LZTS1: variants seen among roughly 807,000 people sequenced by gnomAD.
LZTS1 encodes the protein leucine zipper tumor suppressor 1.
A neutral mutation model predicts 45.8 loss-of-function variants in LZTS1; 31 were observed. That is an observed-to-expected ratio of 0.68 (90% CI 0.51 to 0.91). The LOEUF (loss-of-function observed/expected upper bound fraction) is 0.91. LZTS1 is among the 40% of genes least tolerant of loss of function. LZTS1 has a pLI of 0.00. For missense variants in LZTS1, 821 were observed against 788.9 expected (o/e 1.04, Z -0.49); for synonymous variants, 359 against 357.3 (o/e 1.00, Z -0.05).
At chr8:20,285,334 T>G (rs1304367462) in intron 1 of LZTS1, among the ~76,000 whole-genome samples, 1 of 152,230 alleles carries the variant, frequency 6.6e-6, no homozygotes, top group Non-Finnish European at 1.5e-5. Context: ...TTCTTCCATG[T>G]GTAGATACGA....
At chr8:20,280,459 CCATTCATTGA>C (rs1180102449) in intron 1 of LZTS1, among the ~76,000 whole-genome samples, 1 of 152,116 alleles carries the variant, frequency 6.6e-6, no homozygotes, top group Non-Finnish European at 1.5e-5. Context: ...TTGTCCCTGC[CCATTCATTGA>C]CATTCATGGG....
chr8:20,277,526 T>C (rs935103923), intron 1 of LZTS1, among the ~76,000 whole-genome samples: 1 of 152,180 alleles, frequency 6.6e-6, no homozygotes, highest in Non-Finnish European at 1.5e-5. Context: ...GAACCCTCTC[T>C]TGGGGACTGG....
chr8:20,285,939 G>A (rs897067163), intron 1 of LZTS1, among the ~76,000 whole-genome samples: 1 of 152,172 alleles, frequency 6.6e-6, no homozygotes, highest in African/African-American at 2.4e-5. Context: ...ATGCTGCTGG[G>A]TCAACCAGGA....
chr8:20,302,433 G>C (rs991027936), intron 1 of LZTS1, among the ~76,000 whole-genome samples: 1 of 152,126 alleles, frequency 6.6e-6, no homozygotes, highest in African/African-American at 2.4e-5. Flanking sequence ...CCCTCTGGAT[G>C]CCTGCAGAAA....
At chr8:20,278,917 T>G (rs1800634858) in intron 1 of LZTS1, among the ~76,000 whole-genome samples, 3 of 152,208 alleles carry the variant, frequency 2.0e-5, no homozygotes, top group Admixed American at 2.0e-4. Context: ...CTGCAGTACA[T>G]TCATGACCCT....
chr8:20,263,200 C>G (rs775567727), intron 1 of LZTS1, among the ~76,000 whole-genome samples: 3 of 152,168 alleles, frequency 2.0e-5, no homozygotes, highest in Non-Finnish European at 4.4e-5. Context: ...CACTGCCTAC[C>G]CCACGACCGC....
At position 20,261,031 on chromosome 8, in the gene LZTS1, C is replaced by T. The variant is rs562762813; in HGVS notation, c.-134-5716G>A. The stretch of plus-strand genomic sequence containing the variant: ...CCAAATCCATCTTCTCACCTGCCCC[C>T]GTCCAACCTGCTGTCTCTGCCCTCC... On this transcript the variant is annotated intron_variant, in intron 1 of 3. Coordinates refer to ENST00000381569, the MANE Select transcript of LZTS1 (RefSeq NM_021020.5). Among the ~76,000 whole-genome samples, 19 of 152,328 alleles carry T rather than the reference C, an allele frequency of 1.2e-4. No homozygotes were observed. The South Asian group carries it at 2.3e-3, about 18-fold the overall frequency.
rs191169026 is a variant in LZTS1 at position 20,258,787 on chromosome 8, C to T, written c.-134-3472G>A. On this transcript the variant is annotated intron_variant, in intron 1 of 3. Coordinates refer to ENST00000381569, the MANE Select transcript of LZTS1 (RefSeq NM_021020.5). ...ACTTATATTGTGACCATTGTCCTTG[C>T]CAACATCCATCATCCCTATGGATCT... Among the ~76,000 whole-genome samples, 6 of 152,298 alleles carry T rather than the reference C, an allele frequency of 3.9e-5. No individual in the cohort carries two copies. In the East Asian group the frequency reaches 9.6e-4, roughly 24 times the overall value.
chr8:20,270,042 T>G (rs904882907), intron 1 of LZTS1, among the ~76,000 whole-genome samples: 1 of 152,256 alleles, frequency 6.6e-6, no homozygotes, highest in African/African-American at 2.4e-5. Context: ...CCTGAGGCCC[T>G]TCCTGAGTGG....
At position 20,249,925 on chromosome 8, in the gene LZTS1, G is replaced by C; in HGVS notation, c.1588C>G (p.Leu530Val). 1 of 1,614,160 alleles carries C rather than the reference G, an allele frequency of 6.2e-7. No homozygotes were observed. Among genetic ancestry groups the C allele is most frequent in the Non-Finnish European group, 8.5e-7 (1 of 1,180,018 alleles). Reference protein sequence around the residue: ...QMSSGFQHERLVWKEEKEKVI... With the variant: ...QMSSGFQHERVVWKEEKEKVI... ...TTCTCCTTCTCCTCCTTCCACACGA[G>C]CCGCTCATGCTGGAAGCCCGAGGAC... is the stretch of plus-strand genomic sequence containing the variant. Residue 530 changes from leucine (L) to valine (V), a missense_variant, in exon 4 of 4, where the codon CTC becomes GTC. Leu to Val is a conservative substitution (Grantham distance 32). Coordinates refer to ENST00000381569, the MANE Select transcript of LZTS1 (RefSeq NM_021020.5).
intron 1 of LZTS1, among the ~76,000 whole-genome samples, chr8:20,279,163 T>C (rs1800639005): frequency 6.6e-6 from 1 of 152,238 alleles, no homozygotes; most frequent in African/African-American, 2.4e-5. Context: ...TCCTATGTTT[T>C]CTTTGCTGCC....
rs1002262087 is a variant in LZTS1, at chr8:20,253,098, T to G, written c.833A>C (p.Gln278Pro). 1.9e-6 allele frequency: 3 copies of G among 1,610,590 alleles called. No homozygotes were observed. The highest frequency in any genetic ancestry group is 2.5e-6 in the Non-Finnish European group (3 of 1,178,876). Reference protein sequence around the residue: ...QKLLEREGALQKLQRSFEEKE... With the variant: ...QKLLEREGALPKLQRSFEEKE... The stretch of plus-strand genomic sequence containing the variant: ...CTCCTCAAAGCTGCGCTGCAGCTTC[T>G]GGAGGGCGCCCTCCCTCTCCAACAG... The change falls in exon 3 of 4, where the codon CAG (glutamine) becomes CCG (proline). Residue 278 changes from glutamine (Q) to proline (P), a missense_variant. Physicochemically the swap from Gln to Pro is moderately conservative, Grantham distance 76 (BLOSUM62 -1). Transcript: ENST00000381569.
At chr8:20,274,969 G>GTGTGTGTGTGTGTA (rs35314882) in intron 1 of LZTS1, among the ~76,000 whole-genome samples, 50,076 of 151,290 alleles carry the variant, frequency 0.33, 9,682 homozygotes, top group Non-Finnish European at 0.43. Flanking sequence ...TACTGTGTGT[G>GTGTGTGTGTGTGTA]TGTGTGTGTG....
intron 1 of LZTS1, among the ~76,000 whole-genome samples, chr8:20,266,274 G>A (rs949486273): frequency 6.6e-6 from 1 of 152,120 alleles, no homozygotes; most frequent in Non-Finnish European, 1.5e-5. Flanking sequence ...TGATCTTCCT[G>A]CCTTGGCCGC....
chr8:20,279,826 AAAAC>A (rs1325899339), intron 1 of LZTS1, among the ~76,000 whole-genome samples: 8 of 151,932 alleles, frequency 5.3e-5, no homozygotes, highest in Non-Finnish European at 8.8e-5. Flanking sequence ...AACTCTAATA[AAAAC>A]AAACAAATAA....
chr8:20,271,813 C>T (rs1016691144), intron 1 of LZTS1, among the ~76,000 whole-genome samples: 3 of 152,220 alleles, frequency 2.0e-5, no homozygotes, highest in Non-Finnish European at 4.4e-5. Context: ...TTTCCATTGC[C>T]TGTGGTTTGG....
chr8:20,266,777 G>A (rs527836309), intron 1 of LZTS1, among the ~76,000 whole-genome samples: 13 of 152,234 alleles, frequency 8.5e-5, no homozygotes, highest in East Asian at 1.9e-4. Context: ...GCATGTGAGC[G>A]GTTTTTAATT....
At chr8:20,289,896 C>T (rs1242527808) in intron 1 of LZTS1, 3 of 152,204 alleles carry the variant, frequency 2.0e-5, no homozygotes, top group Non-Finnish European at 2.9e-5. Flanking sequence ...CTCAGTGTCT[C>T]AATCCCACAG....
At chr8:20,271,270 C>T (rs1269664154) in intron 1 of LZTS1, among the ~76,000 whole-genome samples, 8 of 152,166 alleles carry the variant, frequency 5.3e-5, no homozygotes, top group Admixed American at 2.6e-4. Context: ...GAACTAGAGC[C>T]TCACATTTAG....
Sources: gnomAD v4.1 joint callset for allele counts (sites outside exome capture counted in the v4.1 genomes callset) on GRCh38, gnomAD v4.1.1 for gene constraint, MANE v1.5 for transcripts, NCBI Gene and HGNC (gene_info 2026-07-23, HGNC 2026-07-21) for gene names.